Variants in PPP2R2B observed in about 807,000 individuals in gnomAD.
PPP2R2B encodes the protein serine/threonine-protein phosphatase 2A 55 kDa regulatory subunit B beta isoform.
Under a neutral mutation model 46.0 loss-of-function variants are expected in PPP2R2B, and 5 were observed. The observed-to-expected ratio is 0.11, with a 90% CI of 0.06 to 0.23. The LOEUF (loss-of-function observed/expected upper bound fraction) is 0.23. PPP2R2B is among the 10% of genes least tolerant of loss of function. PPP2R2B has a pLI of 1.00. For synonymous variants in PPP2R2B, 215 were observed against 206.7 expected, an observed-to-expected ratio of 1.04 and a Z score of -0.34; for missense variants, 367 against 575.0, an observed-to-expected ratio of 0.64 and a Z score of 3.70.
intron 1 of PPP2R2B, among the ~76,000 whole-genome samples, chr5:146,988,647 G>T (rs1457702791): frequency 6.6e-6 from 1 of 151,790 alleles, no homozygotes; most frequent in Non-Finnish European, 1.5e-5. Context: ...TGTAATAAAT[G>T]CCTACATCAA....
chr5:147,059,243 C>T (rs1340869060), upstream of PPP2R2B, among the ~76,000 whole-genome samples: 2 of 152,158 alleles, frequency 1.3e-5, no homozygotes, highest in Non-Finnish European at 1.5e-5. Flanking sequence ...GAAGAGGATA[C>T]GAAAAGATTC....
chr5:146,759,683 C>G (rs950704577), intron 2 of PPP2R2B, among the ~76,000 whole-genome samples: 1 of 152,100 alleles, frequency 6.6e-6, no homozygotes, highest in East Asian at 1.9e-4. Context: ...CTATACACAC[C>G]CTATTCTTCA....
chr5:146,797,658 C>G (rs1180780204), intron 2 of PPP2R2B, among the ~76,000 whole-genome samples: 1 of 152,208 alleles, frequency 6.6e-6, no homozygotes, highest in Non-Finnish European at 1.5e-5. Flanking sequence ...TTATTGTCAT[C>G]AAATGGTATT....
intron 2 of PPP2R2B, among the ~76,000 whole-genome samples, chr5:146,865,558 G>C (rs1435910922): frequency 6.6e-6 from 1 of 152,136 alleles, no homozygotes; most frequent in African/African-American, 2.4e-5. Flanking sequence ...AGTTCTGTGA[G>C]AGCAGGGTCT....
intron 2 of PPP2R2B, among the ~76,000 whole-genome samples, chr5:146,744,913 C>G (rs1042319302): frequency 1.3e-5 from 2 of 151,926 alleles, no homozygotes; most frequent in African/African-American, 4.8e-5. Context: ...GGCCTGTAAA[C>G]CAACAAAAAT....
At chr5:147,033,732 C>T (rs1372136282) in intron 1 of PPP2R2B, among the ~76,000 whole-genome samples, 1 of 152,066 alleles carries the variant, frequency 6.6e-6, no homozygotes, top group Non-Finnish European at 1.5e-5. Context: ...TTAAACTTAT[C>T]CAATTTACTA....
At chr5:146,611,090 C>A (rs1772772907) in intron 7 of PPP2R2B, among the ~76,000 whole-genome samples, 1 of 2,554 alleles carries the variant, frequency 3.9e-4, no homozygotes. Context: ...TTAAGGGCAG[C>A]CAGAGAGAAA....
At chr5:146,637,840 A>T (rs1464984572) in intron 7 of PPP2R2B, among the ~76,000 whole-genome samples, 2 of 151,178 alleles carry the variant, frequency 1.3e-5, no homozygotes, top group Non-Finnish European at 3.0e-5. Context: ...TACATGGATT[A>T]AAAAAAAAGA....
chr5:146,814,718 C>A lies in PPP2R2B; in HGVS notation c.70+63284G>T, dbSNP rs190480359. On this transcript the variant is annotated intron_variant, in intron 2 of 9. Transcript: ENST00000394411. ...TAAACACATTGCACATGTGGTCCCC[C>A]CCAAGTGCTGGCAGGCCACTGCTCA... Among the ~76,000 whole-genome samples, 7 of 152,342 alleles carry A rather than the reference C, an allele frequency of 4.6e-5. No individual in the cohort carries two copies. The East Asian group carries it at 7.7e-4, about 17-fold the overall frequency.
chr5:146,956,785 T>G (rs1751932751), intron 1 of PPP2R2B, among the ~76,000 whole-genome samples: 1 of 152,192 alleles, frequency 6.6e-6, no homozygotes, highest in East Asian at 1.9e-4. Flanking sequence ...CCAGCAGATT[T>G]GGTGTCTGAT....
chr5:146,910,321 G>A (rs981546788), intron 1 of PPP2R2B, among the ~76,000 whole-genome samples: 7 of 152,310 alleles, frequency 4.6e-5, no homozygotes, highest in Admixed American at 3.3e-4. Context: ...GATCATTTAT[G>A]AGCTACAATG....
chr5:146,782,113 C>T (rs1305839296), intron 2 of PPP2R2B, among the ~76,000 whole-genome samples: 2 of 152,280 alleles, frequency 1.3e-5, no homozygotes, highest in East Asian at 3.9e-4. Context: ...TCCACCATGA[C>T]TGCAAGTTTC....
chr5:147,068,691 G>A (rs1312245802), intron 2 of PPP2R2B, among the ~76,000 whole-genome samples: 1 of 152,164 alleles, frequency 6.6e-6, no homozygotes, highest in Non-Finnish European at 1.5e-5. Context: ...ATTGACTGAA[G>A]AAAGAAAAGG....
At chr5:146,746,682 G>A (rs7715375) in intron 2 of PPP2R2B, among the ~76,000 whole-genome samples, 128,465 of 152,240 alleles carry the variant, frequency 0.84, 54,323 homozygotes, top group Middle Eastern at 0.86. Context: ...AGCATGAGAA[G>A]TATATTTTGT....
chr5:146,626,936 G>A (rs1774104235), intron 7 of PPP2R2B, among the ~76,000 whole-genome samples: 1 of 152,146 alleles, frequency 6.6e-6, no homozygotes, highest in Non-Finnish European at 1.5e-5. Flanking sequence ...TGACAGAACT[G>A]GTTAAATTAA....
rs76295498 is a variant in PPP2R2B at position 146,921,818 on chromosome 5, A to T, written c.79+133847T>A. On this transcript the variant is annotated intron_variant, in intron 1 of 8. Coordinates refer to the PPP2R2B transcript ENST00000336640. Reference sequence around the variant, plus strand: ...GAACAGAGACCATGTCTCACTAGCCATTCAAGTATAACAACAAGTACTACT... The same window carrying T: ...GAACAGAGACCATGTCTCACTAGCCTTTCAAGTATAACAACAAGTACTACT... Among the ~76,000 whole-genome samples the T allele has an allele frequency of 5.7e-3, 865 of 152,340 alleles. 29 individuals are homozygous for T. The East Asian group carries it at 0.068, about 12-fold the overall frequency.
At chr5:146,728,374 T>A (rs1446758117) in intron 2 of PPP2R2B, among the ~76,000 whole-genome samples, 1 of 152,162 alleles carries the variant, frequency 6.6e-6, no homozygotes, top group Non-Finnish European at 1.5e-5. Flanking sequence ...TTATCACTTA[T>A]TAAGCAGCAA....
chr5:146,911,004 A>G (rs1317714385), intron 1 of PPP2R2B, among the ~76,000 whole-genome samples: 1 of 151,784 alleles, frequency 6.6e-6, no homozygotes, highest in Non-Finnish European at 1.5e-5. Context: ...CCCTTTTCAT[A>G]TAGTTAACTC....
intron 2 of PPP2R2B, among the ~76,000 whole-genome samples, chr5:146,874,882 C>G (rs560546613): frequency 6.6e-6 from 1 of 152,034 alleles, no homozygotes; most frequent in Non-Finnish European, 1.5e-5. Context: ...TCAACCCTAC[C>G]CAAGGCCCTT....
Sources: allele counts gnomAD v4.1 joint callset (sites outside exome capture counted in the v4.1 genomes callset), GRCh38; gene constraint gnomAD v4.1.1; transcripts MANE v1.5; gene names NCBI Gene and HGNC (gene_info 2026-07-23, HGNC 2026-07-21).